The following FOXP1 variants were observed in gnomAD, a reference collection of about 807,000 sequenced individuals.
FOXP1 encodes the protein forkhead box protein P1.
Under a neutral mutation model 98.2 loss-of-function variants are expected in FOXP1, and 15 were observed. That is an observed-to-expected ratio of 0.15 (90% CI 0.10 to 0.24). The LOEUF is 0.24. Among genes scored for constraint, FOXP1 ranks in the 10% least tolerant of loss-of-function variants. The probability of loss-of-function intolerance (pLI) is 1.00; values close to 1 mark genes in which losing one functional copy is unlikely to be tolerated. For synonymous variants in FOXP1, 371 were observed against 314.5 expected (o/e 1.18, Z -1.90); for missense variants, 633 against 848.5 (o/e 0.75, Z 3.15).
chr3:71,456,272 A>C (rs1034421422), intron 3 of FOXP1, among the ~76,000 whole-genome samples: 1 of 152,226 alleles, frequency 6.6e-6, no homozygotes, highest in Non-Finnish European at 1.5e-5. Context: ...GAGGGGACAC[A>C]CAAAAGTCAG....
At chr3:71,473,842 A>G (rs768993323) in intron 3 of FOXP1, among the ~76,000 whole-genome samples, 22 of 152,180 alleles carry the variant, frequency 1.4e-4, no homozygotes, top group Non-Finnish European at 2.5e-4. Flanking sequence ...ACACACACAA[A>G]AAGAACTGTT....
intron 3 of FOXP1, among the ~76,000 whole-genome samples, chr3:71,365,244 T>C (rs1237643561): frequency 6.6e-6 from 1 of 152,170 alleles, no homozygotes; most frequent in Non-Finnish European, 1.5e-5. Context: ...CTGCCAGGGA[T>C]GGATTACTGA....
At position 70,954,875 on chromosome 3, in the gene FOXP1, A is replaced by G. The variant is rs1249853710; in HGVS notation, c.*4372T>C. The G allele has an allele frequency of 4.3e-6, 1 of 230,326 alleles. No homozygotes were observed. Among genetic ancestry groups the G allele is most frequent in the Non-Finnish European group, 8.5e-6 (1 of 117,220 alleles). 14.3% of individuals were successfully genotyped at this position (230,326 alleles called of 1,614,324 possible). On this transcript the variant is annotated 3_prime_UTR_variant, in exon 21 of 21. Transcript: ENST00000649528. ...GAATGAGTTTCTTTTATGCCTTATC[A>G]AAACAAAACAAAACAAAACAAAAAA...
intron 3 of FOXP1, among the ~76,000 whole-genome samples, chr3:71,478,091 A>G (rs1183464034): frequency 2.6e-5 from 4 of 152,148 alleles, no homozygotes; most frequent in Non-Finnish European, 5.9e-5. Flanking sequence ...ACAAATCAAA[A>G]CCCGTCTGTC....
intron 3 of FOXP1, among the ~76,000 whole-genome samples, chr3:71,483,492 A>C (rs1294223184): frequency 6.6e-6 from 1 of 152,206 alleles, no homozygotes; most frequent in Non-Finnish European, 1.5e-5. Flanking sequence ...CCAACCTGCC[A>C]CCAGTGAGCT....
intron 4 of FOXP1, among the ~76,000 whole-genome samples, chr3:71,318,226 A>G (rs889577718): frequency 6.7e-6 from 1 of 150,184 alleles, no homozygotes; most frequent in African/African-American, 2.5e-5. Context: ...AGTTTCAGGG[A>G]CAGAAGGAAC....
intron 7 of FOXP1, among the ~76,000 whole-genome samples, chr3:71,076,482 G>A (rs189625471): frequency 2.6e-4 from 39 of 152,272 alleles, no homozygotes; most frequent in African/African-American, 5.5e-4. Flanking sequence ...ATGCTCTGCC[G>A]TAGGGAGATG....
chr3:71,052,103 A>C (rs921469171), intron 9 of FOXP1, among the ~76,000 whole-genome samples: 29 of 152,054 alleles, frequency 1.9e-4, no homozygotes, highest in African/African-American at 6.3e-4. Context: ...TGTTTATCCA[A>C]CCTCACAAGG....
At chr3:71,054,631 T>C (rs1302903717) in intron 7 of FOXP1, among the ~76,000 whole-genome samples, 1 of 152,170 alleles carries the variant, frequency 6.6e-6, no homozygotes, top group Non-Finnish European at 1.5e-5. Flanking sequence ...TAGAATGTAA[T>C]TTAGCTATTC....
At chr3:71,517,537 T>C (rs1450715265) in intron 2 of FOXP1, among the ~76,000 whole-genome samples, 2 of 152,344 alleles carry the variant, frequency 1.3e-5, no homozygotes, top group East Asian at 3.9e-4. Context: ...ACACAGCAAC[T>C]TGACCAATCA....
At chr3:71,381,437 CTTT>C (rs1171799165) in intron 3 of FOXP1, among the ~76,000 whole-genome samples, 4 of 77,686 alleles carry the variant, frequency 5.1e-5, no homozygotes, top group Non-Finnish European at 7.1e-5. Flanking sequence ...TGCGCCTGGC[CTTT>C]TTTTTTTTTT....
At chr3:71,456,355 A>T (rs1242974173) in intron 3 of FOXP1, among the ~76,000 whole-genome samples, 1 of 152,224 alleles carries the variant, frequency 6.6e-6, no homozygotes, top group African/African-American at 2.4e-5. Flanking sequence ...ATATTGCAGA[A>T]GCAAAGAAGC....
chr3:71,283,716 G>C (rs2071804584), intron 5 of FOXP1, among the ~76,000 whole-genome samples: 2 of 152,174 alleles, frequency 1.3e-5, no homozygotes, highest in Admixed American at 1.3e-4. Context: ...ATTTGCAAAA[G>C]AGCCTTTTGG....
At chr3:71,461,422 G>A (rs1045814603) in intron 3 of FOXP1, among the ~76,000 whole-genome samples, 1 of 152,164 alleles carries the variant, frequency 6.6e-6, no homozygotes, top group Non-Finnish European at 1.5e-5. Flanking sequence ...GCAGGGTTAT[G>A]ACATCAGTTT....
intron 5 of FOXP1, among the ~76,000 whole-genome samples, chr3:71,220,774 A>AAATAAAATAC (rs2065309498): frequency 6.6e-6 from 1 of 151,412 alleles, no homozygotes; most frequent in Admixed American, 6.6e-5. Context: ...AAATAAAATA[A>AAATAAAATAC]AATAAAATAA....
intron 3 of FOXP1, among the ~76,000 whole-genome samples, chr3:71,409,714 C>T (rs1410116138): frequency 6.6e-6 from 1 of 152,104 alleles, no homozygotes. Flanking sequence ...GTTAAACTGC[C>T]TGGGTTCAAG....
At chr3:71,238,436 G>GT (rs1456033501) in intron 5 of FOXP1, among the ~76,000 whole-genome samples, 21 of 152,120 alleles carry the variant, frequency 1.4e-4, no homozygotes, top group African/African-American at 5.1e-4. Flanking sequence ...AGGGGTGTGG[G>GT]GGGGTGTGTG....
Position 71,481,595 on chromosome 3 carries a change from CA to C in FOXP1, c.-168+11830del, listed in dbSNP as rs1329474296. On this transcript the variant is annotated intron_variant, in intron 3 of 20. Transcript: ENST00000649528. ...GAAATCATGATATTTGCATCTTAGT[CA>C]GTCGTCTTTTCTGAATGTTTATTCC... Among the ~76,000 whole-genome samples the C allele has an allele frequency of 7.9e-5, 12 of 152,270 alleles. No homozygotes were observed. In the South Asian group the frequency reaches 2.3e-3, roughly 29 times the overall value.
intron 2 of FOXP1, among the ~76,000 whole-genome samples, chr3:71,527,181 T>C (rs1185413041): frequency 6.6e-6 from 1 of 152,022 alleles, no homozygotes; most frequent in Non-Finnish European, 1.5e-5. Flanking sequence ...CAGTGAACAA[T>C]CCCAATTTCA....
Sources: gnomAD v4.1 joint callset for allele counts (sites outside exome capture counted in the v4.1 genomes callset) on GRCh38, gnomAD v4.1.1 for gene constraint, MANE v1.5 for transcripts, NCBI Gene and HGNC (gene_info 2026-07-23, HGNC 2026-07-21) for gene names.